RALYL: variants seen among roughly 807,000 people sequenced by gnomAD.
RALYL encodes the protein RALY RNA binding protein like, also known as RNA-binding Raly-like protein.
In RALYL, 29 loss-of-function variants were observed where a neutral mutation model predicts 35.1. The observed-to-expected ratio is 0.83, with a 90% confidence interval of 0.61 to 1.13. The LOEUF (loss-of-function observed/expected upper bound fraction) is 1.13. Ranked by LOEUF, RALYL falls within the 50% of genes most tolerant of loss-of-function variation. The pLI is 0.00. For synonymous variants in RALYL, 120 were observed against 127.6 expected (o/e 0.94, Z 0.40); for missense variants, 359 against 360.4 (o/e 1.00, Z 0.03).
At chr8:84,467,595 G>C (rs946051065) in intron 1 of RALYL, among the ~76,000 whole-genome samples, 9 of 150,446 alleles carry the variant, frequency 6.0e-5, no homozygotes, top group Non-Finnish European at 1.2e-4. Flanking sequence ...GGTGTGGTGT[G>C]GTGCTGAAAA....
intron 1 of RALYL, among the ~76,000 whole-genome samples, chr8:84,451,297 C>T (rs943814880): frequency 6.6e-6 from 1 of 151,700 alleles, no homozygotes; most frequent in Non-Finnish European, 1.5e-5. Context: ...TTCCGTATCC[C>T]CACTACTCTA....
intron 7 of RALYL, among the ~76,000 whole-genome samples, chr8:84,877,234 C>T (rs1244991242): frequency 2.0e-5 from 3 of 152,080 alleles, no homozygotes; most frequent in Non-Finnish European, 4.4e-5. Context: ...CACCTGTAAT[C>T]CTAGCACTTT....
chr8:84,565,997 G>A lies in RALYL; in HGVS notation c.256+36420G>A, dbSNP rs138882961. Among the ~76,000 whole-genome samples the A allele has an allele frequency of 2.5e-3, 382 of 151,508 alleles. 2 individuals are homozygous for A. The highest frequency in any genetic ancestry group is 6.1e-3 in the African/African-American group (252 of 41,420). ...AATTGCTTTGTGCCTTAGTACATTG[G>A]ACACAAAACCAATTCATTTGAATTA... On this transcript the variant is annotated intron_variant, in intron 2 of 8. Coordinates refer to ENST00000521268, the MANE Select transcript of RALYL (RefSeq NM_173848.7).
chr8:84,631,313 T>A (rs765080115), intron 2 of RALYL, among the ~76,000 whole-genome samples: 1 of 151,970 alleles, frequency 6.6e-6, no homozygotes, highest in Non-Finnish European at 1.5e-5. Flanking sequence ...CAAAAATCAT[T>A]CAGTTTATTT....
At chr8:84,632,649 T>C (rs971050717) in intron 2 of RALYL, among the ~76,000 whole-genome samples, 3 of 151,750 alleles carry the variant, frequency 2.0e-5, no homozygotes, top group African/African-American at 7.2e-5. Context: ...ACTTTACATT[T>C]AGTATATTCC....
chr8:84,434,083 C>A (rs1357994935), intron 1 of RALYL, among the ~76,000 whole-genome samples: 2 of 152,002 alleles, frequency 1.3e-5, no homozygotes, highest in African/African-American at 2.4e-5. Context: ...TGGGAGGCTA[C>A]AAGTCCAAGA....
At chr8:84,499,935 T>C (rs2056483604) in intron 1 of RALYL, among the ~76,000 whole-genome samples, 1 of 152,014 alleles carries the variant, frequency 6.6e-6, no homozygotes, top group Non-Finnish European at 1.5e-5. Context: ...TCTCTATTTT[T>C]TGTAGAGCTA....
intron 1 of RALYL, among the ~76,000 whole-genome samples, chr8:84,279,333 C>T (rs558419125): frequency 1.5e-4 from 23 of 152,194 alleles, no homozygotes; most frequent in African/African-American, 5.5e-4. Flanking sequence ...TTGGGATGTT[C>T]CTCCAAGTTC....
chr8:84,564,120 T>G (rs1369068301), intron 2 of RALYL, among the ~76,000 whole-genome samples: 1 of 151,772 alleles, frequency 6.6e-6, no homozygotes, highest in Non-Finnish European at 1.5e-5. Context: ...GTTTCTTCTG[T>G]CAATTCTAAC....
intron 8 of RALYL, among the ~76,000 whole-genome samples, chr8:84,913,015 GAT>G (rs1587187876): frequency 7.4e-6 from 1 of 134,432 alleles, no homozygotes; most frequent in Non-Finnish European, 1.5e-5. Context: ...TGGATGGATG[GAT>G]GGATGGATGG....
intron 1 of RALYL, among the ~76,000 whole-genome samples, chr8:84,408,124 C>T (rs892979426): frequency 1.3e-5 from 2 of 151,904 alleles, no homozygotes; most frequent in African/African-American, 4.8e-5. Flanking sequence ...TGTAATGATA[C>T]ATTTTATAAA....
At chr8:84,398,725 T>G (rs981568338) in intron 1 of RALYL, among the ~76,000 whole-genome samples, 3 of 152,078 alleles carry the variant, frequency 2.0e-5, no homozygotes, top group African/African-American at 4.8e-5. Flanking sequence ...TGTAATCCCA[T>G]CACTTTGGAA....
At chr8:84,236,386 A>G (rs1055863538) in intron 1 of RALYL, among the ~76,000 whole-genome samples, 1 of 152,126 alleles carries the variant, frequency 6.6e-6, no homozygotes, top group Non-Finnish European at 1.5e-5. Context: ...AGTTACCAAG[A>G]ATTTAGATTC....
chr8:84,477,617 C>T (rs1055912085), intron 1 of RALYL, among the ~76,000 whole-genome samples: 3 of 150,624 alleles, frequency 2.0e-5, no homozygotes, highest in Non-Finnish European at 4.4e-5. Context: ...TATACATAAA[C>T]TCAATAATGA....
chr8:84,358,049 G>T (rs1295112853), intron 1 of RALYL, among the ~76,000 whole-genome samples: 2 of 151,642 alleles, frequency 1.3e-5, no homozygotes, highest in Non-Finnish European at 2.9e-5. Flanking sequence ...AGTATTTGTA[G>T]GAGCCATTCA....
At chr8:84,542,433 C>G (rs2060085411) in intron 2 of RALYL, among the ~76,000 whole-genome samples, 1 of 151,934 alleles carries the variant, frequency 6.6e-6, no homozygotes, top group Non-Finnish European at 1.5e-5. Context: ...TGGCTGTGCC[C>G]CCACCCAAAT....
chr8:84,361,099 G>T (rs1852922315), intron 1 of RALYL, among the ~76,000 whole-genome samples: 1 of 152,054 alleles, frequency 6.6e-6, no homozygotes, highest in African/African-American at 2.4e-5. Flanking sequence ...CACTACTATT[G>T]GAAGGAAAAT....
intron 1 of RALYL, among the ~76,000 whole-genome samples, chr8:84,323,193 G>T: frequency 6.6e-6 from 1 of 152,092 alleles, no homozygotes; most frequent in Middle Eastern, 3.4e-3. Flanking sequence ...AATGTTAAAT[G>T]AATTGTAATC....
At chr8:84,625,644 C>A (rs1367127345) in intron 2 of RALYL, among the ~76,000 whole-genome samples, 1 of 152,166 alleles carries the variant, frequency 6.6e-6, no homozygotes, top group East Asian at 1.9e-4. Context: ...GTTCAGGGAA[C>A]TGAGGCACAA....
Sources: allele counts gnomAD v4.1 joint callset (sites outside exome capture counted in the v4.1 genomes callset), GRCh38; gene constraint gnomAD v4.1.1; transcripts MANE v1.5; gene names NCBI Gene and HGNC (gene_info 2026-07-23, HGNC 2026-07-21).